Variants in SPMIP10 observed in about 807,000 individuals in gnomAD.
The protein encoded by SPMIP10 is sperm-associated microtubule inner protein 10.
chr5:126,633,124 A>T, the SPMIP10 span, among the ~76,000 whole-genome samples: 1 of 151,358 alleles, frequency 6.6e-6, no homozygotes, highest in Non-Finnish European at 1.5e-5. Context: ...AAATAGTAAT[A>T]TCTGTTTAAA....
the SPMIP10 span, chr5:126,632,702 A>G: frequency 1.8e-6 from 2 of 1,088,296 alleles, no homozygotes; most frequent in Non-Finnish European, 2.8e-6. Flanking sequence ...AAACAAAAAC[A>G]TTAAGCCGGA....
At chr5:126,635,180 A>G in the SPMIP10 span, among the ~76,000 whole-genome samples, 3 of 149,792 alleles carry the variant, frequency 2.0e-5, no homozygotes, top group Non-Finnish European at 3.0e-5. Context: ...AAATATATAT[A>G]TATATATATA....
At chr5:126,631,844 G>A in the SPMIP10 span, 6 of 1,518,018 alleles carry the variant, frequency 4.0e-6, no homozygotes, top group Admixed American at 1.7e-5. Flanking sequence ...GGATTCTGGG[G>A]TTTTTTGTTT....
the SPMIP10 span, among the ~76,000 whole-genome samples, chr5:126,635,194 A>G: frequency 1.4e-5 from 2 of 146,738 alleles, no homozygotes; most frequent in Non-Finnish European, 3.0e-5. Context: ...ATATATATAT[A>G]TATGAAACAC....
the SPMIP10 span, among the ~76,000 whole-genome samples, chr5:126,633,008 C>CATAT: frequency 0.08 from 10,041 of 125,224 alleles, 494 homozygotes; most frequent in East Asian, 0.14. Flanking sequence ...ATAAATTTTA[C>CATAT]ATATATATAT....
At chr5:126,632,082 T>C in the SPMIP10 span, among the ~76,000 whole-genome samples, 1 of 151,418 alleles carries the variant, frequency 6.6e-6, no homozygotes, top group Non-Finnish European at 1.5e-5. Context: ...CAAATCTAGG[T>C]GCCTTGCCTT....
the SPMIP10 span, chr5:126,631,950 T>A: frequency 1.4e-5 from 9 of 629,342 alleles, no homozygotes; most frequent in East Asian, 2.5e-4. Flanking sequence ...CAGAGGGAAA[T>A]ATGTGTGCAG....
the SPMIP10 span, among the ~76,000 whole-genome samples, chr5:126,635,171 A>AATATAT: frequency 0.065 from 9,096 of 140,008 alleles, 336 homozygotes; most frequent in South Asian, 0.1. Flanking sequence ...CCGTCTGTGA[A>AATATAT]ATATATATAT....
the SPMIP10 span, chr5:126,635,973 T>G: frequency 7.0e-7 from 1 of 1,433,880 alleles, no homozygotes; most frequent in African/African-American, 1.4e-5. Context: ...AACTTCCTTC[T>G]TAATCTAACA....
the SPMIP10 span, among the ~76,000 whole-genome samples, chr5:126,633,024 T>TATAA: frequency 4.3e-5 from 6 of 138,890 alleles, 1 homozygote; most frequent in Admixed American, 1.4e-4. Flanking sequence ...TATATATATA[T>TATAA]ATATATATAA....
At chr5:126,632,547 T>A in the SPMIP10 span, 1 of 1,543,918 alleles carries the variant, frequency 6.5e-7, no homozygotes, top group Admixed American at 1.7e-5. Context: ...AATCATCAGG[T>A]ATGAAGAGAT....
At chr5:126,634,289 G>A in the SPMIP10 span, among the ~76,000 whole-genome samples, 3 of 152,024 alleles carry the variant, frequency 2.0e-5, no homozygotes, top group Admixed American at 6.6e-5. Flanking sequence ...AAAATTAGCC[G>A]GGCATGATGG....
At chr5:126,633,031 AT>A in the SPMIP10 span, among the ~76,000 whole-genome samples, 1 of 147,008 alleles carries the variant, frequency 6.8e-6, no homozygotes, top group African/African-American at 2.5e-5. Context: ...ATATATATAT[AT>A]AATTTAGTAT....
chr5:126,633,034 A>ATATATATATATATATAT, the SPMIP10 span, among the ~76,000 whole-genome samples: 1 of 108,296 alleles, frequency 9.2e-6, no homozygotes, highest in African/African-American at 7.6e-5. Flanking sequence ...TATATATATA[A>ATATATATATATATATAT]TTTAGTATGT....
At chr5:126,636,163 A>T in the SPMIP10 span, 3 of 1,614,196 alleles carry the variant, frequency 1.9e-6, no homozygotes, top group Non-Finnish European at 1.7e-6. Context: ...TAAAAATTGC[A>T]GATATGCCTT....
the SPMIP10 span, among the ~76,000 whole-genome samples, chr5:126,632,059 G>T: frequency 2.0e-4 from 31 of 151,756 alleles, no homozygotes; most frequent in Non-Finnish European, 3.4e-4. Flanking sequence ...TTAGGCAGTC[G>T]GTAGGCCTGA....
At chr5:126,634,717 A>G in the SPMIP10 span, among the ~76,000 whole-genome samples, 4 of 152,170 alleles carry the variant, frequency 2.6e-5, no homozygotes, top group Non-Finnish European at 5.9e-5. Context: ...AATTTAGTTG[A>G]CAGTGTTCCT....
the SPMIP10 span, chr5:126,636,281 T>C: frequency 1.4e-6 from 2 of 1,465,618 alleles, no homozygotes; most frequent in Admixed American, 3.5e-5. Flanking sequence ...CAATCTCTGC[T>C]CTCTTACTGT....
chr5:126,633,797 G>A, the SPMIP10 span, among the ~76,000 whole-genome samples: 3 of 152,042 alleles, frequency 2.0e-5, no homozygotes, highest in East Asian at 5.8e-4. Flanking sequence ...CTGAGCAGCT[G>A]GGACTACAGG....
Sources: allele counts gnomAD v4.1 joint callset (sites outside exome capture counted in the v4.1 genomes callset), GRCh38; gene constraint gnomAD v4.1.1; transcripts MANE v1.5; gene names NCBI Gene and HGNC (gene_info 2026-07-23, HGNC 2026-07-21).